The following SAMD4B variants were observed in gnomAD, a reference collection of about 807,000 sequenced individuals.
SAMD4B encodes the protein sterile alpha motif domain containing 4B, also known as protein Smaug homolog 2.
A neutral mutation model predicts 74.5 loss-of-function variants in SAMD4B; 5 were observed. The ratio of observed to expected loss-of-function variants is 0.07; its 90% CI spans 0.04 to 0.14. SAMD4B has a LOEUF of 0.14. SAMD4B is among the 10% of genes least tolerant of loss of function. The probability of loss-of-function intolerance (pLI) is 1.00; values close to 1 mark genes in which losing one functional copy is unlikely to be tolerated. For synonymous variants in SAMD4B, 373 were observed against 374.9 expected (o/e 1.00, Z 0.06); for missense variants, 608 against 921.8 (o/e 0.66, Z 4.41).
At chr19:39,344,033 GA>G (rs2075531476) in intron 1 of SAMD4B, among the ~76,000 whole-genome samples, 1 of 130,168 alleles carries the variant, frequency 7.7e-6, no homozygotes, top group Non-Finnish European at 1.6e-5. Flanking sequence ...CGACCCCCTG[GA>G]GCCCTCCTGA....
chr19:39,361,338 C>T (rs920982725), intron 3 of SAMD4B, among the ~76,000 whole-genome samples: 10 of 152,164 alleles, frequency 6.6e-5, no homozygotes, highest in African/African-American at 2.2e-4. Context: ...GTTCCCTGGC[C>T]GGGCGCCATG....
chr19:39,386,194 C>G (rs766409723), downstream of SAMD4B: 1 of 1,614,046 alleles, frequency 6.2e-7, no homozygotes, highest in Non-Finnish European at 8.5e-7. The surrounding 1 kb of genome is among the most constrained non-coding windows in gnomAD (Gnocchi z 6.1). Flanking sequence ...TCATCAGAGT[C>G]GGCATCGTCC....
At position 39,378,829 on chromosome 19, in the gene SAMD4B, G is replaced by A. The variant is rs749238327; in HGVS notation, c.1530+240G>A. On this transcript the variant is annotated intron_variant, in intron 9 of 13. Coordinates refer to ENST00000610417, the MANE Select transcript of SAMD4B (RefSeq NM_001384574.2). The surrounding 1 kb of genome is among the most constrained non-coding windows in gnomAD (Gnocchi z 4.4). ...GGCTGAGGCAGAATGGCGTGAACCC[G>A]GCAGGTGGAGCTTGTGGTGAGCCAA... 1.2e-4 allele frequency among the ~76,000 whole-genome samples: 18 copies of A among 152,240 alleles called. No individual in the cohort carries two copies. The highest frequency in any genetic ancestry group is 2.2e-4 in the Non-Finnish European group (15 of 68,044).
At chr19:39,381,270 G>T in intron 12 of SAMD4B, 157 bp downstream of exon 12, 1 of 849,300 alleles carries the variant, frequency 1.2e-6, no homozygotes, top group Non-Finnish European at 1.7e-6. Flanking sequence ...ATTGTGGGGG[G>T]TTGTTTTCCT....
intron 3 of SAMD4B, among the ~76,000 whole-genome samples, chr19:39,360,824 T>TA (rs1462400461): frequency 6.6e-6 from 1 of 152,196 alleles, no homozygotes; most frequent in Non-Finnish European, 1.5e-5. Context: ...AGGTGACTGT[T>TA]ACAATCCAGA....
intron 1 of SAMD4B, among the ~76,000 whole-genome samples, chr19:39,345,253 T>C (rs1273327726): frequency 1.3e-5 from 2 of 152,096 alleles, no homozygotes; most frequent in Non-Finnish European, 2.9e-5. Context: ...CTTTCCTGTT[T>C]CCTAGGAATC....
At position 39,383,522 on chromosome 19, in the gene SAMD4B, A is replaced by C; in HGVS notation, c.2080A>C (p.Ile694Leu). The C allele has an allele frequency of 6.2e-7, 1 of 1,614,042 alleles. No homozygotes were observed. Among genetic ancestry groups the C allele is most frequent in the Non-Finnish European group, 8.5e-7 (1 of 1,180,000 alleles). The change falls in exon 14 of 14, where the codon ATC (isoleucine) becomes CTC (leucine). Residue 694 changes from isoleucine (I) to leucine (L), a missense_variant. Coordinates refer to ENST00000610417, the MANE Select transcript of SAMD4B (RefSeq NM_001384574.2). This position sits in a 1 kb window ranked among gnomAD's most constrained non-coding sequence, Gnocchi z 4.1. ...AGATGGGACAGACAAAACCTCCACC[A>C]TCTGACGGGACCCACAGCCCAGCGC... ...LGDGTDKTST[I>L]
At position 39,342,442 on chromosome 19, in the gene SAMD4B, A is replaced by ACGGCGGCGGCGG. The variant is rs920214608; in HGVS notation, c.-388_-377dup. 1 of 177,676 alleles carries ACGGCGGCGGCGG rather than the reference A, an allele frequency of 5.6e-6. No homozygotes were observed. The highest frequency in any genetic ancestry group is 1.1e-5 in the Non-Finnish European group (1 of 88,622). The allele number at this position is 177,676 out of a possible 1,614,324, so 11.0% of individuals were successfully genotyped here. On this transcript the variant is annotated 5_prime_UTR_variant, in exon 1 of 14. Transcript: ENST00000610417. ...ACGCACGGCGCGGTGACGCAGCGCGACGGCGGCGGCGGCGGCGGCGGCGGT... is the reference window on the plus strand; with the variant it reads ...ACGCACGGCGCGGTGACGCAGCGCGACGGCGGCGGCGGCGGCGGCGGCGGCGGCGGCGGCGGT...
At chr19:39,366,108 G>A (rs1290981645) in intron 3 of SAMD4B, among the ~76,000 whole-genome samples, 1 of 152,162 alleles carries the variant, frequency 6.6e-6, no homozygotes, top group Non-Finnish European at 1.5e-5. Flanking sequence ...CTGAGGTCAG[G>A]AGTTCCAGAC....
At chr19:39,343,400 A>G (rs1269213606) in intron 1 of SAMD4B, among the ~76,000 whole-genome samples, 1 of 149,720 alleles carries the variant, frequency 6.7e-6, no homozygotes, top group Non-Finnish European at 1.5e-5. Context: ...ATATCCCCAA[A>G]ATAAATCTTC....
chr19:39,375,790 C>T lies in SAMD4B; in HGVS notation c.808C>T (p.Leu270Phe). The change falls in exon 5 of 14, where the codon CTC becomes TTC. Residue 270 changes from leucine (L) to phenylalanine (F), a missense_variant. Leu to Phe is a conservative substitution (Grantham distance 22, BLOSUM62 0). Coordinates refer to ENST00000610417, the MANE Select transcript of SAMD4B (RefSeq NM_001384574.2). This position sits in a 1 kb window ranked among gnomAD's most constrained non-coding sequence, Gnocchi z 4.1. ...TTTTACCACGCCCGATCACGCACCT[C>T]TCTCGCCCCAGAGCAGCGTGGCCTC... ...AAFTTPDHAP[L>F]SPQSSVASSG... The T allele has an allele frequency of 6.2e-7, 1 of 1,614,140 alleles. No homozygotes were observed. The highest frequency in any genetic ancestry group is 8.5e-7 in the Non-Finnish European group (1 of 1,180,038).
rs1219785681 is a variant in SAMD4B, at chr19:39,383,360, T to C, written c.2056+69T>C. ...CGTCTCTGCCTCTGAACTGAGCAAC[T>C]CAGAGTCATCCTGAGGGGTCCCCAG... On this transcript the variant is annotated intron_variant, in intron 13 of 13. Coordinates refer to ENST00000610417, the MANE Select transcript of SAMD4B (RefSeq NM_001384574.2). The surrounding 1 kb of genome is among the most constrained non-coding windows in gnomAD (Gnocchi z 4.1). The C allele has an allele frequency of 6.3e-7, 1 of 1,585,254 alleles. No individual in the cohort carries two copies.
chr19:39,380,802 C>T lies in SAMD4B; in HGVS notation c.1848+17C>T, dbSNP rs889422772. 6.6e-7 allele frequency: 1 copy of T among 1,523,750 alleles called. No individual in the cohort carries two copies. The highest frequency in any genetic ancestry group is 8.8e-7 in the Non-Finnish European group (1 of 1,138,336). 94.4% of individuals were successfully genotyped at this position (1,523,750 alleles called of 1,614,324 possible). A position where few individuals can be genotyped will look rare whatever the true frequency, so the allele number is the denominator to read the frequency against. On this transcript the variant is annotated intron_variant, in intron 11 of 13. Coordinates refer to ENST00000610417, the MANE Select transcript of SAMD4B (RefSeq NM_001384574.2). ...GGCCGACAGGTAAGCTGGCTGGAAG[C>T]AGGGGCCTGGCCTCCTGGGGTTGGG...
intron 3 of SAMD4B, 74 bp downstream of exon 3, chr19:39,357,163 T>A (rs2076380973): frequency 7.3e-7 from 1 of 1,364,502 alleles, no homozygotes; most frequent in South Asian, 1.5e-5. Context: ...GCTAAGAAGG[T>A]CAACCCAACA....
rs545535649 is a variant in SAMD4B, at chr19:39,384,638, G to T, written c.*1111G>T. ...GCCCCAGAGTCCGACAGACTGTCTGGTCCCTATTCCTAATGAGGGGTTGTG... is the reference window on the plus strand; with the variant it reads ...GCCCCAGAGTCCGACAGACTGTCTGTTCCCTATTCCTAATGAGGGGTTGTG... On this transcript the variant is annotated 3_prime_UTR_variant, in exon 14 of 14. Coordinates refer to ENST00000610417, the MANE Select transcript of SAMD4B (RefSeq NM_001384574.2). The T allele has an allele frequency of 1.3e-5, 2 of 152,602 alleles. No homozygotes were observed. Among genetic ancestry groups the T allele is most frequent in the Middle Eastern group, 3.4e-3 (1 of 292 alleles). 9.5% of individuals were successfully genotyped at this position (152,602 alleles called of 1,614,324 possible). A position where few individuals can be genotyped will look rare whatever the true frequency, so the allele number is the denominator to read the frequency against.
At chr19:39,355,791 CTT>C (rs1303513445) in intron 2 of SAMD4B, among the ~76,000 whole-genome samples, 2 of 152,198 alleles carry the variant, frequency 1.3e-5, no homozygotes, top group Admixed American at 1.3e-4. Flanking sequence ...GAGTTTTTGA[CTT>C]TTGATCTGTC....
chr19:39,389,583 G>A, downstream of SAMD4B: 1 of 1,614,150 alleles, frequency 6.2e-7, no homozygotes, highest in Non-Finnish European at 8.5e-7. This position sits in a 1 kb window ranked among gnomAD's most constrained non-coding sequence, Gnocchi z 5.3. Flanking sequence ...CCATGAGGGA[G>A]GCCCAGGCCT....
intron 1 of SAMD4B, among the ~76,000 whole-genome samples, chr19:39,352,676 A>C (rs919517636): frequency 6.7e-6 from 1 of 150,202 alleles, no homozygotes; most frequent in African/African-American, 2.4e-5. Context: ...TTGAGACCCT[A>C]TTATGTCCGA....
chr19:39,348,691 A>G (rs2075842277), intron 1 of SAMD4B, among the ~76,000 whole-genome samples: 1 of 152,218 alleles, frequency 6.6e-6, no homozygotes, highest in African/African-American at 2.4e-5. Flanking sequence ...TAATTTTTTT[A>G]GAAAGCTCAC....
Sources: gnomAD v4.1 joint callset for allele counts (sites outside exome capture counted in the v4.1 genomes callset) on GRCh38, gnomAD v4.1.1 for gene constraint, Gnocchi (gnomAD v3.1) non-coding constraint, MANE v1.5 for transcripts, NCBI Gene and HGNC (gene_info 2026-07-23, HGNC 2026-07-21) for gene names.